ZNF416: variants seen among roughly 807,000 people sequenced by gnomAD.
The protein encoded by ZNF416 is zinc finger protein 416.
In ZNF416, 5 loss-of-function variants were observed where a neutral mutation model predicts 10.9. That is an observed-to-expected ratio of 0.46 (90% CI 0.24 to 0.97). The LOEUF is 0.97. Among genes scored for constraint, ZNF416 ranks in the 50% least tolerant of loss-of-function variants. The pLI, the probability that ZNF416 is intolerant of heterozygous loss-of-function variation, is 0.19. For missense variants in ZNF416, 675 were observed against 715.0 expected (o/e 0.94, Z 0.64); for synonymous variants, 267 against 251.8 (o/e 1.06, Z -0.57).
chr19:57,578,256 G>A (rs1978618810), intron 1 of ZNF416, among the ~76,000 whole-genome samples, 158 bp from the exon 2 acceptor site: 1 of 152,130 alleles, frequency 6.6e-6, no homozygotes, highest in African/African-American at 2.4e-5. Context: ...CCTGCTGTGG[G>A]ACCTTGCACA....
At chr19:57,578,318 ACT>A in intron 1 of ZNF416, 1 of 600,068 alleles carries the variant, frequency 1.7e-6, no homozygotes, top group Non-Finnish European at 3.0e-6. Flanking sequence ...GGCTGTTCCA[ACT>A]CTGAGTAACT....
At position 57,575,908 on chromosome 19, in the gene ZNF416, A is replaced by G; in HGVS notation, c.98T>C (p.Val33Ala). ...TTCTTCCTGGGAGAAGTAAATGGCC[A>G]CGTCCTCAAAGGTCACACAGCCCTG... ...FTQGCVTFED[V>A]AIYFSQEEWG... The change falls in exon 3 of 4, where the codon GTG becomes GCG. Residue 33 changes from valine to alanine, a missense_variant. Coordinates refer to ENST00000196489, the MANE Select transcript of ZNF416 (RefSeq NM_017879.3). The surrounding 1 kb of genome is among the most constrained non-coding windows in gnomAD (Gnocchi z 4.4). 1 of 1,614,024 alleles carries G rather than the reference A, an allele frequency of 6.2e-7. No homozygotes were observed. Among genetic ancestry groups the G allele is most frequent in the Non-Finnish European group, 8.5e-7 (1 of 1,179,974 alleles).
chr19:57,574,541 A>G (rs1164397040), intron 3 of ZNF416, among the ~76,000 whole-genome samples: 5 of 152,236 alleles, frequency 3.3e-5, no homozygotes, highest in Non-Finnish European at 5.9e-5. Flanking sequence ...CTGTGGGTAC[A>G]TAACAGGAAA....
chr19:57,575,940 T>C lies in ZNF416; in HGVS notation c.76-10A>G. 6.2e-7 allele frequency: 1 copy of C among 1,613,254 alleles called. No homozygotes were observed. Among genetic ancestry groups the C allele is most frequent in the South Asian group, 1.1e-5 (1 of 91,018 alleles). On this transcript the variant is annotated splice_polypyrimidine_tract_variant and intron_variant, in intron 2 of 3. Coordinates refer to ENST00000196489, the MANE Select transcript of ZNF416 (RefSeq NM_017879.3). The surrounding 1 kb of genome is among the most constrained non-coding windows in gnomAD (Gnocchi z 4.4). Reference sequence around the variant, plus strand: ...CAAAGGTCACACAGCCCTGCCATGATGGGGATAGATCTTTCCATGATCAGA... The same window carrying C: ...CAAAGGTCACACAGCCCTGCCATGACGGGGATAGATCTTTCCATGATCAGA...
intron 3 of ZNF416, 144 bp from the exon 4 acceptor site, chr19:57,573,845 G>A (rs1292756465): frequency 2.0e-6 from 2 of 1,009,870 alleles, no homozygotes; most frequent in African/African-American, 3.3e-5. Flanking sequence ...AGACCAGTCT[G>A]GGCAATATGG....
chr19:57,578,101 G>A lies in ZNF416; in HGVS notation c.34-3C>T. 6.2e-7 allele frequency: 1 copy of A among 1,614,216 alleles called. No homozygotes were observed. The highest frequency in any genetic ancestry group is 8.5e-7 in the Non-Finnish European group (1 of 1,180,032). On this transcript the variant is annotated splice_region_variant and splice_polypyrimidine_tract_variant and intron_variant, in intron 1 of 3. Transcript: ENST00000196489. ...TTAGCTTCTGCAGTCACGGGAACCT[G>A]CGGGAAGAGGAAGGCTATGAGAGGC...
In ZNF416 at chr19:57,573,442, G is replaced by A. The variant is rs1196114447; in HGVS notation, c.462C>T (p.Asp154=). ...GGCAGCACTGCACAAATGAGGCCTT[G>A]TCCATGTCACTTTCCAAGGGTTTCT... ...SAEKPLESDM[D]KASFVQCCLF... is the part of the protein sequence containing the mutation. The change falls in exon 4 of 4, where the codon GAC becomes GAT. Residue 154 remains aspartate (D), a synonymous_variant. Transcript: ENST00000196489. The A allele has an allele frequency of 3.7e-6, 6 of 1,614,266 alleles. No homozygotes were observed. The highest frequency in any genetic ancestry group is 5.1e-6 in the Non-Finnish European group (6 of 1,180,052).
Position 57,578,654 on chromosome 19 carries a change from G to A in ZNF416, c.33+18C>T. The A allele has an allele frequency of 6.5e-7, 1 of 1,547,862 alleles. No individual in the cohort carries two copies. The highest frequency in any genetic ancestry group is 1.2e-5 in the South Asian group (1 of 82,902). On this transcript the variant is annotated intron_variant, in intron 1 of 3. Transcript: ENST00000196489. Reference sequence around the variant, plus strand: ...CCGGCGGAGAGGGCAGGTGAGGCCCGGGAGACGCAGCACTCACCGAAGTCG... The same window carrying A: ...CCGGCGGAGAGGGCAGGTGAGGCCCAGGAGACGCAGCACTCACCGAAGTCG...
rs1467494840 is a variant in ZNF416 at position 57,573,449 on chromosome 19, T to G, written c.455A>C (p.Asp152Ala). 6.2e-7 allele frequency: 1 copy of G among 1,614,256 alleles called. No individual in the cohort carries two copies. Among genetic ancestry groups the G allele is most frequent in the East Asian group, 2.2e-5 (1 of 44,884 alleles). ...HHSAEKPLESDMDKASFVQCC... is the reference protein window; with the variant it reads ...HHSAEKPLESAMDKASFVQCC... ...CTGCACAAATGAGGCCTTGTCCATG[T>G]CACTTTCCAAGGGTTTCTCTGCACT... Residue 152 changes from aspartate to alanine, a missense_variant, in exon 4 of 4, where the codon GAC (aspartate) becomes GCC (alanine). By Grantham distance (126) the Asp-to-Ala change is moderately radical. Coordinates refer to ENST00000196489, the MANE Select transcript of ZNF416 (RefSeq NM_017879.3).
chr19:57,578,633 C>T, intron 1 of ZNF416, 39 bp downstream of exon 1: 2 of 1,516,764 alleles, frequency 1.3e-6, no homozygotes, highest in Middle Eastern at 1.7e-4. Context: ...GGATTTCCGG[C>T]GGAGAGGGCA....
intron 2 of ZNF416, among the ~76,000 whole-genome samples, chr19:57,577,112 C>T (rs931008413): frequency 6.6e-6 from 1 of 152,086 alleles, no homozygotes; most frequent in African/African-American, 2.4e-5. Flanking sequence ...CAAGCTATAC[C>T]CCTAGGCAAG....
chr19:57,575,797 G>A lies in ZNF416; in HGVS notation c.202+7C>T. On this transcript the variant is annotated splice_region_variant and intron_variant, in intron 3 of 3. Coordinates refer to ENST00000196489, the MANE Select transcript of ZNF416 (RefSeq NM_017879.3). This position sits in a 1 kb window ranked among gnomAD's most constrained non-coding sequence, Gnocchi z 4.4. ...CCAGGACACGAGAGTGGGTGTGAGG[G>A]CCTTACCCAGCGCAGTTATAAGTGC... The A allele has an allele frequency of 6.2e-7, 1 of 1,614,002 alleles. No homozygotes were observed. Among genetic ancestry groups the A allele is most frequent in the Non-Finnish European group, 8.5e-7 (1 of 1,179,944 alleles).
At position 57,573,493 on chromosome 19, in the gene ZNF416, G is replaced by A; in HGVS notation, c.411C>T (p.His137=). ...CTGCACTATGATGCTTCTGGTCCTG[G>A]TGAAAGACCGCACATGCCCCAGTCA... The part of the protein sequence containing the change: ...LYLTGACAVF[H]QDQKHHSAEK... Residue 137 remains histidine (H), a synonymous_variant, in exon 4 of 4, where the codon CAC becomes CAT. Coordinates refer to ENST00000196489, the MANE Select transcript of ZNF416 (RefSeq NM_017879.3). 1 of 1,614,174 alleles carries A rather than the reference G, an allele frequency of 6.2e-7. No homozygotes were observed. The highest frequency in any genetic ancestry group is 8.5e-7 in the Non-Finnish European group (1 of 1,180,032).
In ZNF416 at chr19:57,573,602, T is replaced by G. The variant is rs1978412041; in HGVS notation, c.302A>C (p.Gln101Pro). The change falls in exon 4 of 4, where the codon CAG (glutamine) becomes CCG (proline). Residue 101 changes from glutamine to proline, a missense_variant. By Grantham distance (76) the Gln-to-Pro change is moderately conservative. Transcript: ENST00000196489. ...VRTPEASPST[Q>P]KIQSCDMCVP... ...ACACATGTCACAGGATTGAATCTTC[T>G]GGGTGGATGGACTGGCCTCTGGAGT... The G allele has an allele frequency of 6.2e-7, 1 of 1,614,100 alleles. No individual in the cohort carries two copies. The highest frequency in any genetic ancestry group is 1.1e-5 in the South Asian group (1 of 91,092).
Position 57,577,809 on chromosome 19 carries a change from CT to C in ZNF416, c.75+247del, listed in dbSNP as rs1174127231. 3.3e-5 allele frequency among the ~76,000 whole-genome samples: 5 copies of C among 152,300 alleles called. No individual in the cohort carries two copies. The East Asian group carries it at 9.7e-4, about 29-fold the overall frequency. ...GTTTCCTAAACCAGCTCAGCCTGAC[CT>C]TCAAGCACTTGCTCATCTGGTATCT... On this transcript the variant is annotated intron_variant, in intron 2 of 3. Transcript: ENST00000196489.
At chr19:57,578,165 T>C in intron 1 of ZNF416, 67 bp from the exon 2 acceptor site, 1 of 1,542,024 alleles carries the variant, frequency 6.5e-7, no homozygotes, top group Non-Finnish European at 9.0e-7. Context: ...TGATGCCTCC[T>C]TGTTTCCCTG....
At chr19:57,578,178 C>T in intron 1 of ZNF416, 80 bp from the exon 2 acceptor site, 1 of 1,468,346 alleles carries the variant, frequency 6.8e-7, no homozygotes, top group Non-Finnish European at 9.5e-7. Context: ...TTTCCCTGCG[C>T]AGCCCTGGAG....
In ZNF416 at chr19:57,576,380, C is replaced by A. The variant is rs866501657; in HGVS notation, c.76-450G>T. Among the ~76,000 whole-genome samples, 5 of 152,112 alleles carry A rather than the reference C, an allele frequency of 3.3e-5. No individual in the cohort carries two copies. In the South Asian group the frequency reaches 6.2e-4, roughly 19 times the overall value. ...ATCTCACTCCCACGGCTATTTCCAC[C>A]CTGTTGCCCCACACCATAGGCATCT... On this transcript the variant is annotated intron_variant, in intron 2 of 3. Coordinates refer to ENST00000196489, the MANE Select transcript of ZNF416 (RefSeq NM_017879.3).
At position 57,575,834 on chromosome 19, in the gene ZNF416, G is replaced by A; in HGVS notation, c.172C>T (p.Leu58=). 1 of 1,614,088 alleles carries A rather than the reference G, an allele frequency of 6.2e-7. No homozygotes were observed. The highest frequency in any genetic ancestry group is 8.5e-7 in the Non-Finnish European group (1 of 1,180,000). ...AQRLLYRDVM[L]ENFALITALV... ...GCAGTTATAAGTGCAAAGTTCTCCA[G>A]CATCACATCGCGGTACAGGAGCCTC... The change falls in exon 3 of 4, where the codon CTG becomes TTG. Residue 58 remains leucine, a synonymous_variant. Transcript: ENST00000196489. This position sits in a 1 kb window ranked among gnomAD's most constrained non-coding sequence, Gnocchi z 4.4.
Sources: allele counts gnomAD v4.1 joint callset (sites outside exome capture counted in the v4.1 genomes callset), GRCh38; gene constraint gnomAD v4.1.1; non-coding constraint Gnocchi (gnomAD v3.1); transcripts MANE v1.5; gene names NCBI Gene and HGNC (gene_info 2026-07-23, HGNC 2026-07-21).